Variants in MYLK4 observed in about 807,000 individuals in gnomAD.
The protein encoded by MYLK4 is myosin light chain kinase family member 4.
A neutral mutation model predicts 48.1 loss-of-function variants in MYLK4; 46 were observed. That is an observed-to-expected ratio of 0.96 (90% CI 0.75 to 1.22). The LOEUF is 1.22. Among genes scored for constraint, MYLK4 ranks in the 50% most tolerant of loss-of-function variants. The pLI is 0.00. For missense variants in MYLK4, 451 were observed against 486.1 expected, an observed-to-expected ratio of 0.93 and a Z score of 0.68; for synonymous variants, 170 against 180.8, an observed-to-expected ratio of 0.94 and a Z score of 0.48.
At chr6:2,714,616 C>T (rs575647563) in intron 2 of MYLK4, among the ~76,000 whole-genome samples, 1 of 152,194 alleles carries the variant, frequency 6.6e-6, no homozygotes, top group Non-Finnish European at 1.5e-5. Flanking sequence ...GAGTATAGAT[C>T]CATGAGAACT....
chr6:2,678,235 A>T lies in MYLK4; in HGVS notation c.1025T>A (p.Leu342Gln), dbSNP rs764245515. 8 of 1,613,910 alleles carry T rather than the reference A, an allele frequency of 5.0e-6. No homozygotes were observed. Among genetic ancestry groups the T allele is most frequent in the Non-Finnish European group, 6.8e-6 (8 of 1,179,980 alleles). ...EEAKEFISKL[L>Q]IKEKSWRISA... ...CTTGCGTTACCTCTTCTCCTTAATC[A>T]GAAGCTTAGAGATGAACTCCTTGGC... Residue 342 changes from leucine to glutamine, a missense_variant, in exon 10 of 13, where the codon CTG becomes CAG. Coordinates refer to ENST00000274643, the MANE Select transcript of MYLK4 (RefSeq NM_001012418.5).
chr6:2,768,212 G>A, the MYLK4 span, among the ~76,000 whole-genome samples: 1 of 152,144 alleles, frequency 6.6e-6, no homozygotes, highest in South Asian at 2.1e-4. Flanking sequence ...TTGGTCTCAA[G>A]GCAAATGCTC....
At chr6:2,729,569 C>A (rs554003777) in intron 2 of MYLK4, among the ~76,000 whole-genome samples, 1 of 152,362 alleles carries the variant, frequency 6.6e-6, no homozygotes, top group Admixed American at 6.5e-5. Flanking sequence ...ACCCTAAACC[C>A]TGCCTGCCGC....
upstream of MYLK4, among the ~76,000 whole-genome samples, chr6:2,751,132 T>G (rs1265424454): frequency 6.6e-6 from 1 of 152,190 alleles, no homozygotes; most frequent in Non-Finnish European, 1.5e-5. Context: ...TATCATTGTG[T>G]CAATACTCTC....
At chr6:2,692,531 C>G (rs1761842523) in intron 3 of MYLK4, among the ~76,000 whole-genome samples, 2 of 147,224 alleles carry the variant, frequency 1.4e-5, no homozygotes, top group South Asian at 4.2e-4. Context: ...TTCTTTTTAT[C>G]AGCAGATATA....
chr6:2,698,632 A>G (rs1002926284), intron 2 of MYLK4, among the ~76,000 whole-genome samples: 4 of 152,378 alleles, frequency 2.6e-5, no homozygotes, highest in Non-Finnish European at 4.4e-5. Context: ...ACTTTATTAA[A>G]CTTGGATTAG....
In MYLK4 at chr6:2,682,962, G is replaced by T. The variant is rs1039155561; in HGVS notation, c.687+59C>A. The T allele has an allele frequency of 1.9e-6, 3 of 1,597,088 alleles. No homozygotes were observed. In the African/African-American group the frequency reaches 4.0e-5, roughly 21 times the overall value. On this transcript the variant is annotated intron_variant, in intron 7 of 12. Coordinates refer to ENST00000274643, the MANE Select transcript of MYLK4 (RefSeq NM_001012418.5). ...CCAGCTGGCATATAATAGCAGACAG[G>T]GCCCACTGTGCAAGAGCTGGGAAGG... is the stretch of plus-strand genomic sequence containing the variant.
At chr6:2,766,200 C>T in the MYLK4 span, 3 of 1,426,642 alleles carry the variant, frequency 2.1e-6, no homozygotes, top group Admixed American at 2.9e-5. Flanking sequence ...GACGCGGACG[C>T]TGCCGAAGCC....
At chr6:2,735,739 A>G (rs1763647930) in intron 2 of MYLK4, among the ~76,000 whole-genome samples, 1 of 152,234 alleles carries the variant, frequency 6.6e-6, no homozygotes, top group African/African-American at 2.4e-5. Context: ...CTGGGGAGGT[A>G]AAATTAGAAT....
chr6:2,678,371 G>T lies in MYLK4; in HGVS notation c.889C>A (p.Leu297Ile), dbSNP rs1278333544. 3 of 1,613,878 alleles carry T rather than the reference G, an allele frequency of 1.9e-6. No individual in the cohort carries two copies. The highest frequency in any genetic ancestry group is 3.3e-5 in the Admixed American group (2 of 60,022). The change falls in exon 10 of 13, where the codon CTT becomes ATT. Residue 297 changes from leucine to isoleucine, a missense_variant and splice_region_variant. Leu to Ile is a conservative substitution (Grantham distance 5). Coordinates refer to ENST00000274643, the MANE Select transcript of MYLK4 (RefSeq NM_001012418.5). Reference protein sequence around the residue: ...WSVGVIAYMLLSGLSPFLGDN... With the variant: ...WSVGVIAYMLISGLSPFLGDN... ...CCCAGGAAAGGCGACAAACCGCTAA[G>T]TCTGGAGGACACGGGGTCCAGAGTG...
the MYLK4 span, chr6:2,766,024 C>G: frequency 8.2e-5 from 109 of 1,323,670 alleles, no homozygotes; most frequent in Non-Finnish European, 9.8e-5. Context: ...CCAGCAGCCC[C>G]GGGAGGAAGG....
chr6:2,770,164 T>G, the MYLK4 span: 4 of 1,614,090 alleles, frequency 2.5e-6, no homozygotes, highest in African/African-American at 2.7e-5. Context: ...TCACTCTGAT[T>G]GGGGCAACCA....
upstream of MYLK4, among the ~76,000 whole-genome samples, chr6:2,751,808 T>C (rs1000930927): frequency 6.6e-6 from 1 of 152,236 alleles, no homozygotes; most frequent in African/African-American, 2.4e-5. Flanking sequence ...TTTTTCCATT[T>C]TATGTAGTAT....
chr6:2,705,713 G>T (rs1762464425), intron 2 of MYLK4, among the ~76,000 whole-genome samples: 1 of 152,156 alleles, frequency 6.6e-6, no homozygotes, highest in South Asian at 2.1e-4. Flanking sequence ...AAACAACTTA[G>T]ATTTAACATC....
the MYLK4 span, chr6:2,766,203 C>T: frequency 6.7e-4 from 959 of 1,439,488 alleles, 4 homozygotes; most frequent in Non-Finnish European, 8.1e-4. Context: ...GCGGACGCTG[C>T]CGAAGCCGCC....
chr6:2,744,594 C>T (rs1272338516), intron 2 of MYLK4, among the ~76,000 whole-genome samples: 2 of 152,332 alleles, frequency 1.3e-5, no homozygotes, highest in East Asian at 3.9e-4. Flanking sequence ...AATCCACCAA[C>T]TGCAATCAAA....
At chr6:2,720,783 A>C (rs1763040988) in intron 2 of MYLK4, among the ~76,000 whole-genome samples, 1 of 152,180 alleles carries the variant, frequency 6.6e-6, no homozygotes, top group Non-Finnish European at 1.5e-5. Context: ...GAAAAGAAAA[A>C]TAAAAGCAAA....
chr6:2,677,862 GTAGT>G (rs1395604246), intron 10 of MYLK4, among the ~76,000 whole-genome samples: 1 of 152,190 alleles, frequency 6.6e-6, no homozygotes, highest in Non-Finnish European at 1.5e-5. Context: ...AAATGAAATG[GTAGT>G]TAAAGATTCA....
chr6:2,722,013 A>C (rs1313532000), intron 2 of MYLK4, among the ~76,000 whole-genome samples: 1 of 152,268 alleles, frequency 6.6e-6, no homozygotes, highest in African/African-American at 2.4e-5. Context: ...AGGGAGTAAA[A>C]TAAGAAAGGA....
Sources: allele counts gnomAD v4.1 joint callset (sites outside exome capture counted in the v4.1 genomes callset), GRCh38; gene constraint gnomAD v4.1.1; transcripts MANE v1.5; gene names NCBI Gene and HGNC (gene_info 2026-07-23, HGNC 2026-07-21).